Variants in TMX3 observed in about 807,000 individuals in gnomAD.
TMX3 encodes the protein thioredoxin related transmembrane protein 3, also known as protein disulfide-isomerase TMX3.
A neutral mutation model predicts 64.4 loss-of-function variants in TMX3; 40 were observed. The observed-to-expected ratio is 0.62, with a 90% CI of 0.48 to 0.81. The LOEUF is 0.81. TMX3 is among the 30% of genes least tolerant of loss of function. TMX3 has a pLI of 0.00. For missense variants in TMX3, 497 were observed against 534.5 expected, an observed-to-expected ratio of 0.93 and a Z score of 0.69; for synonymous variants, 189 against 175.7, an observed-to-expected ratio of 1.08 and a Z score of -0.60.
In TMX3 at chr18:68,712,349, ACAAG is replaced by A. The variant is rs551462006; in HGVS notation, c.102-950_102-947del. Among the ~76,000 whole-genome samples the A allele has an allele frequency of 3.2e-3, 493 of 152,236 alleles. 3 individuals carry two copies. Among genetic ancestry groups the A allele is most frequent in the African/African-American group, 0.011 (468 of 41,556 alleles). ...TATTGTTAGCCTTGACCGGGGTCTG[ACAAG>A]CAAGCAGCTTTTTCACGTTGTTATG... On this transcript the variant is annotated intron_variant, in intron 2 of 15. Coordinates refer to ENST00000299608, the MANE Select transcript of TMX3 (RefSeq NM_019022.5).
Position 68,691,355 on chromosome 18 carries a change from T to C in TMX3, c.577A>G (p.Thr193Ala). 1 of 1,516,406 alleles carries C rather than the reference T, an allele frequency of 6.6e-7. No individual in the cohort carries two copies. Among genetic ancestry groups the C allele is most frequent in the Non-Finnish European group, 8.9e-7 (1 of 1,126,854 alleles). The allele number at this position is 1,516,406 out of a possible 1,614,324, so 93.9% of individuals were successfully genotyped here. A position where few individuals can be genotyped will look rare whatever the true frequency, so the allele number is the denominator to read the frequency against. ...ASEEVVPEYV[T>A]LKEMPAVLVF... ...AGCACAGCTGGCATCTCTTTTAGTG[T>C]CACATACTGCAAAAAATCAGAAGTT... The change falls in exon 9 of 16, where the codon ACA (threonine) becomes GCA (alanine). Residue 193 changes from threonine to alanine, a missense_variant. Coordinates refer to ENST00000299608, the MANE Select transcript of TMX3 (RefSeq NM_019022.5).
At chr18:68,702,146 T>C (rs396914) in intron 4 of TMX3, among the ~76,000 whole-genome samples, 1 of 132,980 alleles carries the variant, frequency 7.5e-6, no homozygotes, top group East Asian at 2.3e-4. Flanking sequence ...CCAAGACAAA[T>C]ATTTCTTCTA....
chr18:68,698,225 GT>G (rs1423727495), intron 6 of TMX3, among the ~76,000 whole-genome samples, 194 bp from the exon 7 acceptor site: 1 of 152,060 alleles, frequency 6.6e-6, no homozygotes, highest in Non-Finnish European at 1.5e-5. Flanking sequence ...TACATAAAAG[GT>G]TAATATAGTA....
At chr18:68,704,176 C>T (rs2030422251) in intron 4 of TMX3, among the ~76,000 whole-genome samples, 1 of 152,084 alleles carries the variant, frequency 6.6e-6, no homozygotes, top group Non-Finnish European at 1.5e-5. Context: ...TTCTTAAATG[C>T]TAGATCCTTT....
chr18:68,687,022 C>G, intron 10 of TMX3: 7 of 982,932 alleles, frequency 7.1e-6, no homozygotes, highest in Non-Finnish European at 8.5e-6. Context: ...TTGTTTTACT[C>G]AAAAGCTATA....
intron 2 of TMX3, 140 bp downstream of exon 2, chr18:68,713,706 C>A (rs2031554415): frequency 2.5e-6 from 1 of 403,698 alleles, no homozygotes; most frequent in Non-Finnish European, 4.4e-6. Flanking sequence ...CACACCCTCA[C>A]CTTCACTTAC....
intron 8 of TMX3, 81 bp downstream of exon 8, chr18:68,697,141 TAATA>T: frequency 1.4e-6 from 1 of 735,972 alleles, no homozygotes. Flanking sequence ...TTTAATCAAG[TAATA>T]AAATCACAAT....
chr18:68,707,268 T>C (rs1247526094), intron 4 of TMX3, among the ~76,000 whole-genome samples: 2 of 151,600 alleles, frequency 1.3e-5, no homozygotes, highest in Admixed American at 6.6e-5. Flanking sequence ...CTATCCAAGG[T>C]CGGGGGCAAG....
chr18:68,713,195 C>T (rs551183852), intron 2 of TMX3, among the ~76,000 whole-genome samples: 1 of 152,032 alleles, frequency 6.6e-6, no homozygotes, highest in Non-Finnish European at 1.5e-5. Context: ...AAAGTGCCTC[C>T]GCTGACACCC....
chr18:68,691,791 G>A (rs1402085841), intron 8 of TMX3, among the ~76,000 whole-genome samples: 1 of 152,182 alleles, frequency 6.6e-6, no homozygotes, highest in African/African-American at 2.4e-5. Flanking sequence ...ATAACTGAGA[G>A]CACTGCTTAA....
At chr18:68,692,530 T>C (rs1467236950) in intron 8 of TMX3, among the ~76,000 whole-genome samples, 4 of 152,188 alleles carry the variant, frequency 2.6e-5, no homozygotes, top group African/African-American at 9.7e-5. Flanking sequence ...TAAATACCCG[T>C]TGTAAAGCTA....
chr18:68,703,290 T>C (rs983905791), intron 4 of TMX3, among the ~76,000 whole-genome samples: 2 of 152,228 alleles, frequency 1.3e-5, no homozygotes, highest in African/African-American at 4.8e-5. Context: ...ACTAATATAA[T>C]TGATTGGGGG....
chr18:68,679,536 A>G lies in TMX3; in HGVS notation c.1036-5T>C, dbSNP rs1913225075. 1 of 1,606,806 alleles carries G rather than the reference A, an allele frequency of 6.2e-7. No individual in the cohort carries two copies. ...AATGCTATCACCTCCTTGGGCCTTC[A>G]AAAAAGGAAAAGAAAAATAAATTAT... On this transcript the variant is annotated splice_polypyrimidine_tract_variant and splice_region_variant and intron_variant, in intron 14 of 15. Transcript: ENST00000299608.
At chr18:68,696,911 A>C (rs448817) in intron 8 of TMX3, 39,722 of 243,880 alleles carry the variant, frequency 0.16, 5,421 homozygotes, top group African/African-American at 0.43. Flanking sequence ...TACGCACGCA[A>C]AATAATCCAC....
intron 8 of TMX3, among the ~76,000 whole-genome samples, chr18:68,694,833 G>A (rs1390090768): frequency 6.6e-6 from 1 of 152,074 alleles, no homozygotes; most frequent in African/African-American, 2.4e-5. Context: ...ACATATTGCA[G>A]GAAGCATTAA....
In TMX3 at chr18:68,673,799, T is replaced by C. The variant is rs924642850; in HGVS notation, c.*3134A>G. On this transcript the variant is annotated 3_prime_UTR_variant, in exon 16 of 16. Coordinates refer to ENST00000299608, the MANE Select transcript of TMX3 (RefSeq NM_019022.5). ...TAATGCAGACTTTCAAAAACCTCTA[T>C]AGATTAGTCCAAAGTAGAAAATTAT... The C allele has an allele frequency of 2.0e-5, 3 of 152,138 alleles. No individual in the cohort carries two copies. Among genetic ancestry groups the C allele is most frequent in the Admixed American group, 6.6e-5 (1 of 15,252 alleles). The allele number at this position is 152,138 out of a possible 1,614,324, so 9.4% of individuals were successfully genotyped here. A position where few individuals can be genotyped will look rare whatever the true frequency, so the allele number is the denominator to read the frequency against.
intron 5 of TMX3, 55 bp from the exon 6 acceptor site, chr18:68,700,540 A>C: frequency 7.9e-7 from 1 of 1,263,640 alleles, no homozygotes; most frequent in East Asian, 2.5e-5. Context: ...TTTAATATTT[A>C]ATGTTAATCA....
At chr18:68,680,482 G>A (rs1913312273) in intron 14 of TMX3, among the ~76,000 whole-genome samples, 1 of 152,112 alleles carries the variant, frequency 6.6e-6, no homozygotes, top group Non-Finnish European at 1.5e-5. Context: ...ATAGGATTAA[G>A]TCTAGAACTC....
At chr18:68,699,901 G>A (rs977802629) in intron 6 of TMX3, among the ~76,000 whole-genome samples, 3 of 152,080 alleles carry the variant, frequency 2.0e-5, no homozygotes, top group Admixed American at 6.6e-5. Flanking sequence ...TAAAATGCAC[G>A]AATACCTCAC....
Sources: allele counts gnomAD v4.1 joint callset (sites outside exome capture counted in the v4.1 genomes callset), GRCh38; gene constraint gnomAD v4.1.1; transcripts MANE v1.5; gene names NCBI Gene and HGNC (gene_info 2026-07-23, HGNC 2026-07-21).